Variants in TMTC2 observed in about 807,000 individuals in gnomAD.
TMTC2 encodes protein O-mannosyl-transferase TMTC2.
In TMTC2, 43 loss-of-function variants were observed where a neutral mutation model predicts 82.4. The observed-to-expected ratio is 0.52, with a 90% CI of 0.41 to 0.67. The LOEUF (loss-of-function observed/expected upper bound fraction) is 0.67. TMTC2 is among the 30% of genes least tolerant of loss of function. TMTC2 has a pLI of 0.00. For missense variants in TMTC2, 919 were observed against 1,012.4 expected, an observed-to-expected ratio of 0.91 and a Z score of 1.25; for synonymous variants, 408 against 381.9, an observed-to-expected ratio of 1.07 and a Z score of -0.80.
intron 1 of TMTC2, among the ~76,000 whole-genome samples, chr12:82,705,495 A>G (rs1592860817): frequency 6.6e-6 from 1 of 152,252 alleles, no homozygotes; most frequent in African/African-American, 2.4e-5. Flanking sequence ...GAAGGAAAGG[A>G]AAAGTAAGGG....
chr12:82,694,129 AAGGC>A (rs1872692778), intron 1 of TMTC2, among the ~76,000 whole-genome samples: 1 of 152,166 alleles, frequency 6.6e-6, no homozygotes, highest in Non-Finnish European at 1.5e-5. Flanking sequence ...AATTTTGAAA[AAGGC>A]AGGAGGACTG....
At chr12:82,751,318 A>G (rs1875989008) in intron 1 of TMTC2, among the ~76,000 whole-genome samples, 1 of 150,966 alleles carries the variant, frequency 6.6e-6, no homozygotes, top group Non-Finnish European at 1.5e-5. Context: ...ATTCTCACTC[A>G]TAGGTGGGAA....
At chr12:82,740,453 A>G (rs1875341580) in intron 1 of TMTC2, among the ~76,000 whole-genome samples, 1 of 151,952 alleles carries the variant, frequency 6.6e-6, no homozygotes, top group African/African-American at 2.4e-5. Flanking sequence ...CCTGACATGG[A>G]CTCTTCAGAG....
intron 1 of TMTC2, among the ~76,000 whole-genome samples, chr12:82,825,645 A>T (rs2137069500): frequency 6.6e-6 from 1 of 152,352 alleles, no homozygotes; most frequent in Admixed American, 6.5e-5. Flanking sequence ...TGTAAAATAA[A>T]AAATCTCTCC....
chr12:82,792,598 C>T (rs924031363), intron 1 of TMTC2, among the ~76,000 whole-genome samples: 1 of 152,054 alleles, frequency 6.6e-6, no homozygotes, highest in Non-Finnish European at 1.5e-5. Context: ...CCCTGAGTAG[C>T]TGGGACAACA....
chr12:82,800,750 G>A, intron 1 of TMTC2, among the ~76,000 whole-genome samples: 1 of 152,100 alleles, frequency 6.6e-6, no homozygotes, highest in Non-Finnish European at 1.5e-5. Context: ...GGAGACAACA[G>A]GGTTTGTCCT....
rs1021452826 is a variant in TMTC2 at position 82,800,775 on chromosome 12, T to C, written c.84-56235T>C. Among the ~76,000 whole-genome samples, 8 of 152,296 alleles carry C rather than the reference T, an allele frequency of 5.3e-5. No homozygotes were observed. In the East Asian group the frequency reaches 1.4e-3, roughly 26 times the overall value. On this transcript the variant is annotated intron_variant, in intron 1 of 11. Coordinates refer to ENST00000321196, the MANE Select transcript of TMTC2 (RefSeq NM_152588.3). The stretch of plus-strand genomic sequence containing the variant: ...GGGTTTGTCCTTGTCGATTTTTAAC[T>C]GGTAGAGTCAAATCCTATAGAAACA...
intron 1 of TMTC2, among the ~76,000 whole-genome samples, chr12:82,840,734 G>C (rs758013732): frequency 3.9e-5 from 6 of 152,174 alleles, no homozygotes; most frequent in Admixed American, 6.5e-5. Context: ...TCAGCAAAAG[G>C]CTAAACTATA....
At chr12:82,930,966 A>G (rs1288566662) in intron 4 of TMTC2, among the ~76,000 whole-genome samples, 1 of 152,120 alleles carries the variant, frequency 6.6e-6, no homozygotes, top group African/African-American at 2.4e-5. Flanking sequence ...TAGAGTGCAG[A>G]GACGCTGTCA....
intron 1 of TMTC2, among the ~76,000 whole-genome samples, chr12:82,745,877 T>G (rs1223767351): frequency 6.6e-6 from 1 of 152,186 alleles, no homozygotes; most frequent in Admixed American, 6.5e-5. Context: ...TTTCTTAAAT[T>G]CAAGAAGTAC....
intron 1 of TMTC2, among the ~76,000 whole-genome samples, chr12:82,779,024 GAGACT>G (rs1877753336): frequency 1.4e-5 from 2 of 141,242 alleles, no homozygotes; most frequent in African/African-American, 5.4e-5. Flanking sequence ...GCGACAGAGC[GAGACT>G]CCATATCAAA....
chr12:82,849,815 A>G (rs1182659228), intron 1 of TMTC2, among the ~76,000 whole-genome samples: 2 of 152,158 alleles, frequency 1.3e-5, no homozygotes, highest in African/African-American at 2.4e-5. Flanking sequence ...GGATCCGGCT[A>G]CACTAGGAAT....
chr12:83,099,096 C>T (rs1427607492), intron 11 of TMTC2, among the ~76,000 whole-genome samples: 1 of 152,196 alleles, frequency 6.6e-6, no homozygotes, highest in Non-Finnish European at 1.5e-5. Flanking sequence ...TCATAATCAT[C>T]AGACTTTCTG....
chr12:82,752,788 T>A (rs1876088090), intron 1 of TMTC2, among the ~76,000 whole-genome samples: 1 of 152,032 alleles, frequency 6.6e-6, no homozygotes, highest in African/African-American at 2.4e-5. Flanking sequence ...GTGAACTTCA[T>A]AAATAATCAA....
intron 9 of TMTC2, among the ~76,000 whole-genome samples, chr12:83,033,468 T>C (rs1394938803): frequency 6.6e-6 from 1 of 152,182 alleles, no homozygotes; most frequent in Non-Finnish European, 1.5e-5. Context: ...AAATATATTC[T>C]GAGTTCGGGC....
At chr12:82,706,141 TCTA>T in intron 1 of TMTC2, among the ~76,000 whole-genome samples, 1 of 151,972 alleles carries the variant, frequency 6.6e-6, no homozygotes, top group East Asian at 1.9e-4. Context: ...AAACCTTCTT[TCTA>T]CTAAAAGTAC....
At chr12:82,957,862 T>TA (rs748280023) in intron 4 of TMTC2, among the ~76,000 whole-genome samples, 1 of 151,412 alleles carries the variant, frequency 6.6e-6, no homozygotes, top group Non-Finnish European at 1.5e-5. Context: ...AGTCAGTAAT[T>TA]AAAAAAAAGA....
At chr12:82,986,198 AGAAAAATGTGTTACTTTGCCTAT>A in intron 8 of TMTC2, 152 bp downstream of exon 8, 1 of 1,019,390 alleles carries the variant, frequency 9.8e-7, no homozygotes, top group East Asian at 2.6e-5. Flanking sequence ...CAGAAAATAT[AGAAAAATGTGTTACTTTGCCTAT>A]GAGGTTTGGT....
At chr12:83,047,214 C>T (rs1694861257) in intron 9 of TMTC2, among the ~76,000 whole-genome samples, 1 of 152,084 alleles carries the variant, frequency 6.6e-6, no homozygotes, top group Non-Finnish European at 1.5e-5. Flanking sequence ...ATAGATAAAG[C>T]TGATGGGAGA....
Sources: gnomAD v4.1 joint callset for allele counts (sites outside exome capture counted in the v4.1 genomes callset) on GRCh38, gnomAD v4.1.1 for gene constraint, MANE v1.5 for transcripts, NCBI Gene and HGNC (gene_info 2026-07-23, HGNC 2026-07-21) for gene names.